RAP1GAP2: variants seen among roughly 807,000 people sequenced by gnomAD.
The protein encoded by RAP1GAP2 is rap1 GTPase-activating protein 2.
A neutral mutation model predicts 95.0 loss-of-function variants in RAP1GAP2; 27 were observed. That is an observed-to-expected ratio of 0.28 (90% CI 0.21 to 0.39). RAP1GAP2 has a LOEUF of 0.39. Among genes scored for constraint, RAP1GAP2 ranks in the 10% least tolerant of loss-of-function variants. RAP1GAP2 has a pLI of 1.00. For missense variants in RAP1GAP2, 771 were observed against 970.0 expected, an observed-to-expected ratio of 0.79 and a Z score of 2.72; for synonymous variants, 373 against 380.9, an observed-to-expected ratio of 0.98 and a Z score of 0.24.
At chr17:2,800,194 G>C (rs191575282) in intron 1 of RAP1GAP2, 1 of 985,432 alleles carries the variant, frequency 1.0e-6, no homozygotes, top group Admixed American at 6.1e-5. Context: ...TGCATACAAA[G>C]TGCTTACGAT....
intron 3 of RAP1GAP2, among the ~76,000 whole-genome samples, chr17:2,911,897 T>C (rs2042395148): frequency 6.6e-6 from 1 of 152,170 alleles, no homozygotes; most frequent in Non-Finnish European, 1.5e-5. Context: ...CCTGACCTTG[T>C]CCCTGGAGCC....
At chr17:2,862,742 A>C (rs1288174723) in intron 2 of RAP1GAP2, among the ~76,000 whole-genome samples, 2 of 152,172 alleles carry the variant, frequency 1.3e-5, no homozygotes, top group Non-Finnish European at 2.9e-5. Flanking sequence ...TCACGCCTGT[A>C]ATTCCAGCAC....
At chr17:2,895,792 G>A (rs1286001195) in intron 2 of RAP1GAP2, among the ~76,000 whole-genome samples, 2 of 152,060 alleles carry the variant, frequency 1.3e-5, no homozygotes, top group African/African-American at 4.8e-5. Context: ...TGGCCAGGCC[G>A]GTCTCAAACT....
intron 2 of RAP1GAP2, among the ~76,000 whole-genome samples, chr17:2,874,051 C>T (rs2072977345): frequency 6.6e-6 from 1 of 152,184 alleles, no homozygotes; most frequent in African/African-American, 2.4e-5. Flanking sequence ...GCTGGGATTA[C>T]AGGCATGAGC....
chr17:3,003,208 G>T lies in RAP1GAP2; in HGVS notation c.1201-2161G>T, dbSNP rs527765137. On this transcript the variant is annotated intron_variant, in intron 14 of 24. Coordinates refer to ENST00000254695, the MANE Select transcript of RAP1GAP2 (RefSeq NM_015085.5). This position sits in a 1 kb window ranked among gnomAD's most constrained non-coding sequence, Gnocchi z 4.1. Reference sequence around the variant, plus strand: ...GAGGTCCTGTCTGGGTCTGCTTGCGGTCTTGGTCATTGAGCCATCAGAGCA... The same window carrying T: ...GAGGTCCTGTCTGGGTCTGCTTGCGTTCTTGGTCATTGAGCCATCAGAGCA... Among the ~76,000 whole-genome samples the T allele has an allele frequency of 3.5e-4, 53 of 152,274 alleles. No individual in the cohort carries two copies. The highest frequency in any genetic ancestry group is 6.8e-4 in the Non-Finnish European group (46 of 68,018).
At chr17:3,018,269 G>C in intron 18 of RAP1GAP2, 71 bp downstream of exon 18, 1 of 1,494,062 alleles carries the variant, frequency 6.7e-7, no homozygotes, top group Non-Finnish European at 8.9e-7. Context: ...TGGAGGAAGA[G>C]TGCCCCCACC....
chr17:3,016,839 T>G (rs1295732198), intron 17 of RAP1GAP2, among the ~76,000 whole-genome samples: 1 of 152,182 alleles, frequency 6.6e-6, no homozygotes, highest in Non-Finnish European at 1.5e-5. Flanking sequence ...CCGGGGTTAC[T>G]CAGCTAATGC....
intron 1 of RAP1GAP2, among the ~76,000 whole-genome samples, chr17:2,780,293 C>T (rs1418870940): frequency 2.0e-5 from 3 of 152,314 alleles, no homozygotes; most frequent in African/African-American, 2.4e-5. Flanking sequence ...TCAGGTGATC[C>T]GCCCGCCCTG....
chr17:2,915,758 C>T (rs954598125), intron 3 of RAP1GAP2, among the ~76,000 whole-genome samples: 5 of 151,976 alleles, frequency 3.3e-5, no homozygotes, highest in South Asian at 2.1e-4. Flanking sequence ...AGTGCAGTGG[C>T]GTGATCTCGG....
At chr17:2,878,791 G>A (rs549039052) in intron 2 of RAP1GAP2, among the ~76,000 whole-genome samples, 9 of 152,326 alleles carry the variant, frequency 5.9e-5, no homozygotes, top group Non-Finnish European at 8.8e-5. Flanking sequence ...GGAGCCCCAC[G>A]GTGGACTCAG....
intron 2 of RAP1GAP2, among the ~76,000 whole-genome samples, chr17:2,838,027 T>TTTTC (rs1466566380): frequency 9.2e-5 from 13 of 141,064 alleles, no homozygotes; most frequent in African/African-American, 3.5e-4. Flanking sequence ...TTTTTTTTTT[T>TTTTC]TTTTTTTTTG....
chr17:2,766,226 A>G (rs938806487), intron 1 of RAP1GAP2, among the ~76,000 whole-genome samples: 1 of 152,162 alleles, frequency 6.6e-6, no homozygotes, highest in Non-Finnish European at 1.5e-5. Context: ...CCTTTCTCCC[A>G]GTGAGTCCTT....
intron 11 of RAP1GAP2, among the ~76,000 whole-genome samples, chr17:2,985,641 GC>G (rs1425073429): frequency 6.6e-6 from 1 of 152,168 alleles, no homozygotes; most frequent in Non-Finnish European, 1.5e-5. Flanking sequence ...CCACTGCTCA[GC>G]CTCTGTGTTT....
chr17:2,888,909 C>T (rs535517340), intron 2 of RAP1GAP2, among the ~76,000 whole-genome samples: 10 of 151,642 alleles, frequency 6.6e-5, no homozygotes, highest in Non-Finnish European at 1.3e-4. Context: ...GCGATCTGCC[C>T]GCCTTGGCCT....
chr17:2,953,101 A>G (rs943659724), intron 3 of RAP1GAP2, among the ~76,000 whole-genome samples: 1 of 151,784 alleles, frequency 6.6e-6, no homozygotes, highest in African/African-American at 2.4e-5. Flanking sequence ...CCACCACTGC[A>G]CCAGACCCCT....
At chr17:2,865,884 A>C (rs2072594208) in intron 2 of RAP1GAP2, among the ~76,000 whole-genome samples, 1 of 152,152 alleles carries the variant, frequency 6.6e-6, no homozygotes, top group Admixed American at 6.5e-5. Flanking sequence ...CATGAATGCA[A>C]ATGCAAGCTG....
At chr17:2,886,235 C>T (rs990449809) in intron 2 of RAP1GAP2, among the ~76,000 whole-genome samples, 23 of 145,780 alleles carry the variant, frequency 1.6e-4, no homozygotes, top group African/African-American at 5.1e-4. Flanking sequence ...TGCAGTGGTG[C>T]GATCTCAGCT....
At chr17:2,844,283 G>A (rs1406536383) in intron 2 of RAP1GAP2, among the ~76,000 whole-genome samples, 1 of 152,222 alleles carries the variant, frequency 6.6e-6, no homozygotes, top group Non-Finnish European at 1.5e-5. Flanking sequence ...GCCTCCCAAA[G>A]TGCTGGGATT....
At chr17:2,864,322 C>G (rs1213056571) in intron 2 of RAP1GAP2, among the ~76,000 whole-genome samples, 1 of 152,234 alleles carries the variant, frequency 6.6e-6, no homozygotes, top group Non-Finnish European at 1.5e-5. Context: ...GCTGGAGCGT[C>G]CATGCCTGAT....
Sources: gnomAD v4.1 joint callset for allele counts (sites outside exome capture counted in the v4.1 genomes callset) on GRCh38, gnomAD v4.1.1 for gene constraint, Gnocchi (gnomAD v3.1) non-coding constraint, MANE v1.5 for transcripts, NCBI Gene and HGNC (gene_info 2026-07-23, HGNC 2026-07-21) for gene names.